NALCN: variants seen among roughly 807,000 people sequenced by gnomAD.
NALCN encodes sodium leak channel NALCN.
Under a neutral mutation model 225.3 loss-of-function variants are expected in NALCN, and 111 were observed. The observed-to-expected ratio is 0.49, with a 90% CI of 0.42 to 0.58. The LOEUF (loss-of-function observed/expected upper bound fraction) is 0.58, where lower values mean the gene tolerates loss of function less well. Among genes scored for constraint, NALCN ranks in the 20% least tolerant of loss-of-function variants. The probability of loss-of-function intolerance (pLI) is 0.00; values close to 1 mark genes in which losing one functional copy is unlikely to be tolerated. For synonymous variants in NALCN, 764 were observed against 769.0 expected, an observed-to-expected ratio of 0.99 and a Z score of 0.11; for missense variants, 1,378 against 2,202.4, an observed-to-expected ratio of 0.63 and a Z score of 7.49.
chr13:101,084,073 G>A (rs1160271649), intron 30 of NALCN, among the ~76,000 whole-genome samples: 1 of 152,160 alleles, frequency 6.6e-6, no homozygotes, highest in Non-Finnish European at 1.5e-5. Context: ...TTGGGAAAAT[G>A]TAAAGAGGAG....
chr13:101,124,680 A>G lies in NALCN; in HGVS notation c.2120T>C (p.Leu707Pro). The G allele has an allele frequency of 6.2e-7, 1 of 1,613,780 alleles. No homozygotes were observed. Among genetic ancestry groups the G allele is most frequent in the East Asian group, 2.2e-5 (1 of 44,856 alleles). ...CCTGATGCTGAAAACAGACTTGCGA[A>G]GCTGAAAATGATAAGAGTATGACTT... ...IEDNKYIDQK[L>P]RKSVFSIRAR... The change falls in exon 18 of 44, where the codon CTT (leucine) becomes CCT (proline). Residue 707 changes from leucine (L) to proline (P), a missense_variant and splice_region_variant. By Grantham distance (98) the Leu-to-Pro change is moderately conservative. Around this residue, in one of 19 missense-constraint regions of NALCN, gnomAD observed 100 missense variants for 89.4 expected, o/e 1.12. Transcript: ENST00000251127.
intron 1 of NALCN, among the ~76,000 whole-genome samples, chr13:101,410,811 T>C (rs2139556196): frequency 6.6e-6 from 1 of 152,368 alleles, no homozygotes; most frequent in Admixed American, 6.5e-5. Flanking sequence ...CTAGACTTAA[T>C]AGAATACAAT....
chr13:101,345,243 C>T (rs191037651), intron 7 of NALCN, 23 bp downstream of exon 7: 13 of 1,597,986 alleles, frequency 8.1e-6, no homozygotes, highest in East Asian at 2.2e-5. Flanking sequence ...AAACTTAAAA[C>T]GTATTTTACC....
Position 101,237,893 on chromosome 13 carries a change from T to C in NALCN, c.1296A>G (p.Glu432=). 1 of 1,605,838 alleles carries C rather than the reference T, an allele frequency of 6.2e-7. No homozygotes were observed. The highest frequency in any genetic ancestry group is 2.3e-5 in the East Asian group (1 of 44,344). ...EVAFTVLFDL[E]ALLKIWCLGF... Reference sequence around the variant, plus strand: ...CCAAACACCATATCTTCAGAAGTGCTTCCAAATCAAAAAGTACTGTAAAAG... The same window carrying C: ...CCAAACACCATATCTTCAGAAGTGCCTCCAAATCAAAAAGTACTGTAAAAG... Residue 432 remains glutamate (E), a synonymous_variant, in exon 12 of 44, where the codon GAA becomes GAG. Coordinates refer to ENST00000251127, the MANE Select transcript of NALCN (RefSeq NM_052867.4).
intron 7 of NALCN, among the ~76,000 whole-genome samples, chr13:101,320,660 G>C (rs939835979): frequency 6.6e-6 from 1 of 152,092 alleles, no homozygotes; most frequent in African/African-American, 2.4e-5. Flanking sequence ...TCCATTACCA[G>C]TTTTTCAGGT....
chr13:101,292,460 T>C lies in NALCN; in HGVS notation c.800-94A>G, dbSNP rs2139050655. 4 of 1,306,270 alleles carry C rather than the reference T, an allele frequency of 3.1e-6. No homozygotes were observed. In the Admixed American group the frequency reaches 7.8e-5, roughly 26 times the overall value. The allele number at this position is 1,306,270 out of a possible 1,614,324, so 80.9% of individuals were successfully genotyped here. On this transcript the variant is annotated intron_variant, in intron 7 of 43. Transcript: ENST00000251127. The surrounding 1 kb of genome is among the most constrained non-coding windows in gnomAD (Gnocchi z 4.3). ...AACAATCAATATTTATCCATACTTA[T>C]TTTCTCAATGACAAAAGTGCTTCAA...
chr13:101,068,596 C>G, intron 38 of NALCN, 99 bp downstream of exon 38: 2 of 1,240,926 alleles, frequency 1.6e-6, no homozygotes, highest in Non-Finnish European at 2.1e-6. Context: ...CCATGAAACA[C>G]CCACCCCAAG....
intron 1 of NALCN, among the ~76,000 whole-genome samples, chr13:101,414,758 G>A (rs1483720296): frequency 2.0e-5 from 3 of 152,152 alleles, no homozygotes; most frequent in Non-Finnish European, 4.4e-5. Context: ...TATTTTATAA[G>A]ACATGCTTTC....
chr13:101,078,940 G>A (rs2033443621), intron 34 of NALCN, among the ~76,000 whole-genome samples: 1 of 152,180 alleles, frequency 6.6e-6, no homozygotes, highest in Admixed American at 6.5e-5. Context: ...CCCCCATCCT[G>A]TTCTCATGAT....
intron 10 of NALCN, among the ~76,000 whole-genome samples, chr13:101,259,732 G>A (rs1012336465): frequency 2.5e-5 from 3 of 119,400 alleles, no homozygotes; most frequent in Non-Finnish European, 5.4e-5. Flanking sequence ...CATAGTAAGT[G>A]TATATATATA....
intron 7 of NALCN, among the ~76,000 whole-genome samples, chr13:101,304,628 A>AG: frequency 6.6e-6 from 1 of 152,142 alleles, no homozygotes; most frequent in South Asian, 2.1e-4. Context: ...TGTAGAGACC[A>AG]GGTTTCGCCA....
At chr13:101,120,069 C>T (rs1289673000) in intron 18 of NALCN, among the ~76,000 whole-genome samples, 1 of 152,180 alleles carries the variant, frequency 6.6e-6, no homozygotes, top group Non-Finnish European at 1.5e-5. Flanking sequence ...CTGTGAGTTA[C>T]ATACCTCAGG....
intron 13 of NALCN, among the ~76,000 whole-genome samples, chr13:101,216,614 G>T (rs990165841): frequency 1.3e-5 from 2 of 152,064 alleles, no homozygotes; most frequent in Non-Finnish European, 2.9e-5. Flanking sequence ...TGAACTAATA[G>T]TTTTAAATAT....
rs1566536910 is a variant in NALCN, at chr13:101,289,767, G to A, written c.1047+2223C>T. ...TCTTTATTTTATTTCCTTCAAATTA[G>A]TAACTTGTGATCTAGTGTTTTAAAC... is the stretch of plus-strand genomic sequence containing the variant. On this transcript the variant is annotated intron_variant, in intron 9 of 43. Coordinates refer to ENST00000251127, the MANE Select transcript of NALCN (RefSeq NM_052867.4). 3.9e-5 allele frequency among the ~76,000 whole-genome samples: 6 copies of A among 152,264 alleles called. No homozygotes were observed. The South Asian group carries it at 1.2e-3, about 32-fold the overall frequency.
Position 101,112,784 on chromosome 13 carries a change from G to A in NALCN, c.2193-1558C>T, listed in dbSNP as rs181235998. ...ATGGCTTTGAATATGATTACCATCT[G>A]TCTGAGAATTAAGATCTTTGAGAAA... On this transcript the variant is annotated intron_variant, in intron 18 of 43. Coordinates refer to ENST00000251127, the MANE Select transcript of NALCN (RefSeq NM_052867.4). 1.4e-3 allele frequency among the ~76,000 whole-genome samples: 210 copies of A among 152,264 alleles called. 1 individual carries two copies. The highest frequency in any genetic ancestry group is 1.9e-3 in the Non-Finnish European group (128 of 68,014).
At chr13:101,166,197 G>A (rs1197760185) in intron 15 of NALCN, among the ~76,000 whole-genome samples, 1 of 152,144 alleles carries the variant, frequency 6.6e-6, no homozygotes, top group African/African-American at 2.4e-5. Context: ...GAAAAATACT[G>A]CAATGAACAT....
intron 10 of NALCN, among the ~76,000 whole-genome samples, chr13:101,266,767 G>T (rs1011083109): frequency 2.6e-5 from 4 of 152,148 alleles, no homozygotes; most frequent in Admixed American, 1.3e-4. Flanking sequence ...CAATGTAAAA[G>T]ACCAAATGCA....
At chr13:101,258,056 C>T (rs1252773263) in intron 11 of NALCN, among the ~76,000 whole-genome samples, 4 of 152,070 alleles carry the variant, frequency 2.6e-5, no homozygotes, top group African/African-American at 9.7e-5. Context: ...CCCTCTTCTA[C>T]GTATTGCTGA....
chr13:101,144,240 A>G (rs944652664), intron 16 of NALCN, among the ~76,000 whole-genome samples: 6 of 152,228 alleles, frequency 3.9e-5, no homozygotes, highest in Non-Finnish European at 7.3e-5. Context: ...GTATGAGTGG[A>G]AAAACGCCAC....
Sources: gnomAD v4.1 joint callset for allele counts (sites outside exome capture counted in the v4.1 genomes callset) on GRCh38, gnomAD v4.1.1 for gene constraint, gnomAD v4.1.1 regional missense constraint, Gnocchi (gnomAD v3.1) non-coding constraint, MANE v1.5 for transcripts, NCBI Gene and HGNC (gene_info 2026-07-23, HGNC 2026-07-21) for gene names.